CCDC85A: variants seen among roughly 807,000 people sequenced by gnomAD.
The protein encoded by CCDC85A is coiled-coil domain containing 85A.
CCDC85A carries 38 observed loss-of-function variants against 50.2 expected under a neutral mutation model. The observed-to-expected ratio is 0.76, with a 90% CI of 0.58 to 0.99. The LOEUF is 0.99. Ranked by LOEUF, CCDC85A falls within the 50% of genes least tolerant of loss-of-function variation. The pLI, the probability that CCDC85A is intolerant of heterozygous loss-of-function variation, is 0.00. For missense variants in CCDC85A, 820 were observed against 742.0 expected (o/e 1.11, Z -1.22); for synonymous variants, 366 against 301.4 (o/e 1.21, Z -2.22).
rs1291341399 is a variant in CCDC85A at position 56,193,423 on chromosome 2, T to C, written c.1223T>C (p.Val408Ala). The C allele has an allele frequency of 1.2e-6, 2 of 1,607,950 alleles. No homozygotes were observed. Among genetic ancestry groups the C allele is most frequent in the South Asian group, 1.1e-5 (1 of 89,720 alleles). Residue 408 changes from valine (V) to alanine (A), a missense_variant, in exon 2 of 6, where the codon GTC (valine) becomes GCC (alanine). By Grantham distance (64) the Val-to-Ala change is moderately conservative. Coordinates refer to ENST00000407595, the MANE Select transcript of CCDC85A (RefSeq NM_001080433.2). ...GACGGGTCACCCCATCACCGGAATG[T>C]CTACAGTGGCATGAACGGTGGGTCA... The part of the protein sequence containing the change: ...QEDGSPHHRN[V>A]YSGMNESTLS...
At chr2:56,351,677 T>A (rs1211402034) in intron 3 of CCDC85A, among the ~76,000 whole-genome samples, 3 of 147,128 alleles carry the variant, frequency 2.0e-5, no homozygotes, top group Non-Finnish European at 3.0e-5. Flanking sequence ...TTCATGTCCT[T>A]TGCCCACTTT....
intron 2 of CCDC85A, among the ~76,000 whole-genome samples, chr2:56,265,189 G>A (rs1007947978): frequency 2.0e-5 from 3 of 152,184 alleles, no homozygotes; most frequent in African/African-American, 7.2e-5. Context: ...ATTGAAAGGG[G>A]AAGGACAAGC....
In CCDC85A at chr2:56,217,114, GT is replaced by G. The variant is rs1208893871; in HGVS notation, c.1240+23675del. 3.3e-5 allele frequency among the ~76,000 whole-genome samples: 5 copies of G among 151,872 alleles called. No homozygotes were observed. The East Asian group carries it at 9.7e-4, about 29-fold the overall frequency. ...TCACCTCTCAAAGGTTAGGTTAGAGGTAATACAAATGAGGATGTAAAAAAAG... is the reference window on the plus strand; with the variant it reads ...TCACCTCTCAAAGGTTAGGTTAGAGGAATACAAATGAGGATGTAAAAAAAG... On this transcript the variant is annotated intron_variant, in intron 2 of 5. Coordinates refer to ENST00000407595, the MANE Select transcript of CCDC85A (RefSeq NM_001080433.2).
intron 3 of CCDC85A, among the ~76,000 whole-genome samples, chr2:56,356,731 GAAA>G (rs1553416778): frequency 1.9e-5 from 2 of 104,372 alleles, no homozygotes; most frequent in East Asian, 5.9e-4. Flanking sequence ...CCATCTCAAG[GAAA>G]AAAAAAAAAA....
intron 2 of CCDC85A, among the ~76,000 whole-genome samples, chr2:56,202,584 C>T (rs1016244160): frequency 2.0e-5 from 3 of 152,180 alleles, no homozygotes; most frequent in Admixed American, 6.6e-5. Flanking sequence ...GATGGCAACA[C>T]CAAATGCTCT....
intron 2 of CCDC85A, among the ~76,000 whole-genome samples, chr2:56,334,058 A>G (rs1263148693): frequency 6.6e-6 from 1 of 152,222 alleles, no homozygotes; most frequent in African/African-American, 2.4e-5. Flanking sequence ...TGCAGATCTT[A>G]GTTCTCTGAG....
At chr2:56,283,688 T>G (rs545508184) in intron 2 of CCDC85A, among the ~76,000 whole-genome samples, 1 of 152,320 alleles carries the variant, frequency 6.6e-6, no homozygotes, top group Non-Finnish European at 1.5e-5. Flanking sequence ...TTTACATTAG[T>G]AAAATTACTG....
At chr2:56,301,550 C>A (rs1279993459) in intron 2 of CCDC85A, among the ~76,000 whole-genome samples, 1 of 151,930 alleles carries the variant, frequency 6.6e-6, no homozygotes, top group East Asian at 1.9e-4. Context: ...TGATTAATAC[C>A]AAGTGAATAG....
intron 5 of CCDC85A, among the ~76,000 whole-genome samples, chr2:56,381,239 T>C (rs1023962739): frequency 6.6e-6 from 1 of 152,120 alleles, no homozygotes; most frequent in Non-Finnish European, 1.5e-5. Flanking sequence ...CCATTCACTT[T>C]CTGTAGCTTT....
At chr2:56,210,161 G>A (rs556777359) in intron 2 of CCDC85A, among the ~76,000 whole-genome samples, 1 of 152,200 alleles carries the variant, frequency 6.6e-6, no homozygotes, top group South Asian at 2.1e-4. Flanking sequence ...TGTCTGTGAA[G>A]GCACATATCT....
intron 3 of CCDC85A, among the ~76,000 whole-genome samples, chr2:56,357,396 T>C (rs1675285968): frequency 6.6e-6 from 1 of 152,252 alleles, no homozygotes; most frequent in South Asian, 2.1e-4. Flanking sequence ...GGTGATTTCT[T>C]GTGGCTACAG....
chr2:56,293,027 G>A (rs1208230885), intron 2 of CCDC85A, among the ~76,000 whole-genome samples: 5 of 152,200 alleles, frequency 3.3e-5, no homozygotes, highest in African/African-American at 1.2e-4. Flanking sequence ...CAGGTTTACA[G>A]TGCAGGGCAA....
Position 56,184,573 on chromosome 2 carries a change from G to C in CCDC85A, c.-52G>C. 4 of 1,363,958 alleles carry C rather than the reference G, an allele frequency of 2.9e-6. No individual in the cohort carries two copies. The highest frequency in any genetic ancestry group is 1.8e-5 in the South Asian group (1 of 56,914). The allele number at this position is 1,363,958 out of a possible 1,614,324, so 84.5% of individuals were successfully genotyped here. A position where few individuals can be genotyped will look rare whatever the true frequency, so the allele number is the denominator to read the frequency against. ...GCGGCCTCGCCGCGCCCGCGCCTTC[G>C]GGAGTCGCCTCGCCTCTTCCACCCA... is the stretch of plus-strand genomic sequence containing the variant. On this transcript the variant is annotated 5_prime_UTR_variant, in exon 1 of 6. Transcript: ENST00000407595.
chr2:56,311,059 A>G (rs1393849708), intron 2 of CCDC85A, among the ~76,000 whole-genome samples: 3 of 152,152 alleles, frequency 2.0e-5, no homozygotes, highest in Non-Finnish European at 2.9e-5. Context: ...TTCCATGGAT[A>G]TATTATTTCT....
chr2:56,193,462 T>C, intron 2 of CCDC85A, 22 bp downstream of exon 2: 1 of 1,565,264 alleles, frequency 6.4e-7, no homozygotes, highest in Non-Finnish European at 8.7e-7. Context: ...TGTGCTGGGG[T>C]GCTGCTTGGG....
intron 5 of CCDC85A, among the ~76,000 whole-genome samples, chr2:56,380,528 C>A (rs1202959155): frequency 1.3e-5 from 2 of 151,492 alleles, no homozygotes; most frequent in African/African-American, 4.9e-5. Context: ...CCACTCCACT[C>A]CAGCCTGGGC....
At chr2:56,371,403 A>G (rs1428578373) in intron 3 of CCDC85A, among the ~76,000 whole-genome samples, 1 of 152,120 alleles carries the variant, frequency 6.6e-6, no homozygotes, top group Non-Finnish European at 1.5e-5. Context: ...AAATGAATTG[A>G]TGAGAATTAA....
rs70955011 is a variant in CCDC85A at position 56,189,297 on chromosome 2, G to GTTTTTTT, written c.277-3171_277-3165dup. ...AAAACATGCACGGGGTATTTTTGGTGTTTTTTTTTTTTTTTGAGACAAGGT... is the reference window on the plus strand; with the variant it reads ...AAAACATGCACGGGGTATTTTTGGTGTTTTTTTTTTTTTTTTTTTTTTGAGACAAGGT... On this transcript the variant is annotated intron_variant, in intron 1 of 5. Coordinates refer to ENST00000407595, the MANE Select transcript of CCDC85A (RefSeq NM_001080433.2). Among the ~76,000 whole-genome samples the GTTTTTTT allele has an allele frequency of 5.6e-3, 688 of 121,938 alleles. 14 individuals are homozygous for GTTTTTTT. The highest frequency in any genetic ancestry group is 9.9e-3 in the African/African-American group (289 of 29,222). The allele number at this position is 121,938 out of a possible 152,430, so 80.0% of individuals were successfully genotyped here.
At chr2:56,269,721 A>C (rs1016606683) in intron 2 of CCDC85A, among the ~76,000 whole-genome samples, 9 of 152,104 alleles carry the variant, frequency 5.9e-5, no homozygotes, top group African/African-American at 2.2e-4. Flanking sequence ...TCCCATTAGC[A>C]CCATCATCCC....
Sources: gnomAD v4.1 joint callset for allele counts (sites outside exome capture counted in the v4.1 genomes callset) on GRCh38, gnomAD v4.1.1 for gene constraint, MANE v1.5 for transcripts, NCBI Gene and HGNC (gene_info 2026-07-23, HGNC 2026-07-21) for gene names.